Variants in ZNF711 observed in about 807,000 individuals in gnomAD.
ZNF711 encodes ZFX family zinc finger ZNF711.
ZNF711 carries 3 observed loss-of-function variants against 43.5 expected under a neutral mutation model. That is an observed-to-expected ratio of 0.07 (90% CI 0.03 to 0.18). ZNF711 has a LOEUF of 0.18. Among genes scored for constraint, ZNF711 ranks in the 10% least tolerant of loss-of-function variants. The pLI is 1.00. For synonymous variants in ZNF711, 209 were observed against 207.7 expected (o/e 1.01, Z -0.06); for missense variants, 412 against 604.0 (o/e 0.68, Z 3.33).
chrX:85,261,724 A>C (rs12007381), intron 5 of ZNF711, among the ~76,000 whole-genome samples: 4,053 of 111,255 alleles, frequency 0.036, 192 homozygotes, highest in African/African-American at 0.13. Flanking sequence ...CAAACAATGC[A>C]CTTCACTTTC....
Position 85,271,992 on chromosome X carries a change from T to G in ZNF711, c.*164T>G. ...ATATTTGAATTCACAGGGGATCCCA[T>G]AGCCCTTTGAAAATTACTTAAAGAA... On this transcript the variant is annotated 3_prime_UTR_variant, in exon 11 of 11. Coordinates refer to ENST00000674551, the MANE Select transcript of ZNF711 (RefSeq NM_001330574.2). 1.5e-5 allele frequency: 7 copies of G among 459,828 alleles called. No homozygotes were observed. The highest frequency in any genetic ancestry group is 3.6e-5 in the South Asian group (1 of 28,101). 37.9% of individuals were successfully genotyped at this position (459,828 alleles called of 1,213,427 possible). A position where few individuals can be genotyped will look rare whatever the true frequency, so the allele number is the denominator to read the frequency against.
At chrX:85,265,055 T>C (rs1204953456) in intron 6 of ZNF711, 63 bp from the exon 7 acceptor site, 1 of 998,454 alleles carries the variant, frequency 1.0e-6, no homozygotes, top group Non-Finnish European at 1.4e-6. Context: ...TATATTCTTC[T>C]TATTAATTTA....
chrX:85,252,898 G>A (rs1929672640), intron 4 of ZNF711, among the ~76,000 whole-genome samples: 1 of 111,545 alleles, frequency 9.0e-6, no homozygotes, highest in Non-Finnish European at 1.9e-5. Context: ...GTGTCCATTG[G>A]TCTCCATCCT....
intron 4 of ZNF711, among the ~76,000 whole-genome samples, chrX:85,253,181 G>A (rs1043659440): frequency 9.0e-6 from 1 of 111,153 alleles, no homozygotes; most frequent in African/African-American, 3.3e-5. Flanking sequence ...TTACCATGCC[G>A]CTCAAGAAAA....
chrX:85,264,436 A>G lies in ZNF711; in HGVS notation c.778+6A>G. 2 of 1,194,618 alleles carry G rather than the reference A, an allele frequency of 1.7e-6. No homozygotes were observed. The highest frequency in any genetic ancestry group is 2.3e-6 in the Non-Finnish European group (2 of 884,841). Reference sequence around the variant, plus strand: ...TGAAGATGATGTTGAAATAGGTACAAACACTAATTTTAATTTATTGCTCCA... The same window carrying G: ...TGAAGATGATGTTGAAATAGGTACAGACACTAATTTTAATTTATTGCTCCA... On this transcript the variant is annotated splice_donor_region_variant and intron_variant, in intron 6 of 10. Coordinates refer to ENST00000674551, the MANE Select transcript of ZNF711 (RefSeq NM_001330574.2).
intron 5 of ZNF711, among the ~76,000 whole-genome samples, chrX:85,258,929 A>G (rs1843813581): frequency 9.0e-6 from 1 of 111,234 alleles, no homozygotes; most frequent in African/African-American, 3.3e-5. Context: ...TGACTTGTCA[A>G]TTTTTGCTTT....
At position 85,255,300 on chromosome X, in the gene ZNF711, ATTG is replaced by A. The variant is rs587780527; in HGVS notation, c.127_129del (p.Val43del). The A allele has an allele frequency of 8.3e-7, 1 of 1,211,337 alleles. No homozygotes were observed. Among genetic ancestry groups the A allele is most frequent in the East Asian group, 3.0e-5 (1 of 33,829 alleles). ...TACTGCACATATCGATGGAGACCAT[ATTG>A]TTGTTTCAGTTCCTGAAGCTGTTTT... On this transcript the variant is annotated inframe_deletion, in exon 5 of 11. Coordinates refer to ENST00000674551, the MANE Select transcript of ZNF711 (RefSeq NM_001330574.2).
chrX:85,248,175 A>T (rs1479065190), intron 4 of ZNF711, among the ~76,000 whole-genome samples: 4 of 105,285 alleles, frequency 3.8e-5, no homozygotes, highest in South Asian at 4.2e-4. Context: ...TTTTTTTTTA[A>T]AAAAAAAAAA....
intron 8 of ZNF711, among the ~76,000 whole-genome samples, chrX:85,267,858 T>A (rs1931231782): frequency 9.0e-6 from 1 of 111,470 alleles, no homozygotes; most frequent in Non-Finnish European, 1.9e-5. Flanking sequence ...TCAACTTATT[T>A]TTCCCTTTCA....
rs1249691415 is a variant in ZNF711 at position 85,260,818 on chromosome X, CT to C, written c.623-3456del. Among the ~76,000 whole-genome samples, 5 of 110,771 alleles carry C rather than the reference CT, an allele frequency of 4.5e-5. No individual in the cohort carries two copies. The East Asian group carries it at 8.6e-4, about 19-fold the overall frequency. ...TTAAGGGTGCTGAACCCCGCCCCCC[CT>C]GCTGACATACACACAGTTGAAAAGC... On this transcript the variant is annotated intron_variant, in intron 5 of 10. Transcript: ENST00000674551.
rs180693730 is a variant in ZNF711 at position 85,269,168 on chromosome X, T to A, written c.1102+827T>A. Among the ~76,000 whole-genome samples, 847 of 111,420 alleles carry A rather than the reference T, an allele frequency of 7.6e-3. 4 individuals are homozygous for A. Among genetic ancestry groups the A allele is most frequent in the Non-Finnish European group, 0.013 (689 of 52,998 alleles). On this transcript the variant is annotated intron_variant, in intron 9 of 10. Transcript: ENST00000674551. ...GTACTCTTTATATCAAGTACACTAT[T>A]CTGAAGCATATCTGCAAGAGATCTG...
intron 1 of ZNF711, among the ~76,000 whole-genome samples, chrX:85,245,307 A>T (rs751576209): frequency 5.3e-5 from 6 of 112,297 alleles, no homozygotes; most frequent in African/African-American, 1.9e-4. Context: ...TTTACTTGAG[A>T]CGTACTTGGT....
At chrX:85,253,764 GAC>G (rs756155292) in intron 4 of ZNF711, among the ~76,000 whole-genome samples, 4,730 of 89,878 alleles carry the variant, frequency 0.053, 156 homozygotes, top group African/African-American at 0.1. Context: ...TGTGTTCACA[GAC>G]ACACACACAC....
intron 4 of ZNF711, among the ~76,000 whole-genome samples, chrX:85,249,738 T>C (rs932926852): frequency 2.7e-5 from 3 of 111,847 alleles, no homozygotes; most frequent in Non-Finnish European, 5.6e-5. Context: ...TCCATTTTTA[T>C]AAAGTATACA....
Position 85,270,926 on chromosome X carries a change from A to T in ZNF711, c.1522A>T (p.Ser508Cys). The T allele has an allele frequency of 8.3e-7, 1 of 1,210,700 alleles. No homozygotes were observed. Among genetic ancestry groups the T allele is most frequent in the Non-Finnish European group, 1.1e-6 (1 of 894,985 alleles). Residue 508 changes from serine (S) to cysteine (C), a missense_variant, in exon 11 of 11, where the codon AGT (serine) becomes TGT (cysteine). Ser to Cys is a moderately radical substitution (Grantham distance 112, BLOSUM62 -1). This residue lies in a region of ZNF711 where 375 missense variants were observed against 514.2 expected (regional missense o/e 0.73). Transcript: ENST00000674551. ...AAGATACAGAGAGGCTAGTCCACTGAGTTCCAATAAACTTATTTTAAGAGA... is the reference window on the plus strand; with the variant it reads ...AAGATACAGAGAGGCTAGTCCACTGTGTTCCAATAAACTTATTTTAAGAGA... ...TRRYREASPL[S>C]SNKLILRDKE...
At chrX:85,258,471 A>G (rs1470361438) in intron 5 of ZNF711, among the ~76,000 whole-genome samples, 1 of 110,392 alleles carries the variant, frequency 9.1e-6, no homozygotes, top group African/African-American at 3.3e-5. Context: ...AATCACCGCT[A>G]AAGAACTTAT....
chrX:85,259,466 A>G (rs1012081510), intron 5 of ZNF711, among the ~76,000 whole-genome samples: 1 of 111,488 alleles, frequency 9.0e-6, no homozygotes, highest in Non-Finnish European at 1.9e-5. Context: ...AATAGCATTG[A>G]ATCTGTAGAT....
chrX:85,259,809 T>C (rs1327050576), intron 5 of ZNF711, among the ~76,000 whole-genome samples: 1 of 111,575 alleles, frequency 9.0e-6, no homozygotes, highest in Non-Finnish European at 1.9e-5. Context: ...TAGGGTTTTC[T>C]AAGTATAGAA....
At chrX:85,268,981 A>T (rs1463785869) in intron 9 of ZNF711, among the ~76,000 whole-genome samples, 1 of 111,870 alleles carries the variant, frequency 8.9e-6, no homozygotes, top group Non-Finnish European at 1.9e-5. Context: ...TTAACCTGAC[A>T]GTTTTGTAGG....
Sources: gnomAD v4.1 joint callset for allele counts (sites outside exome capture counted in the v4.1 genomes callset) on GRCh38, gnomAD v4.1.1 for gene constraint, gnomAD v4.1.1 regional missense constraint, MANE v1.5 for transcripts, NCBI Gene and HGNC (gene_info 2026-07-23, HGNC 2026-07-21) for gene names.